Variants in GPRIN3 observed in about 807,000 individuals in gnomAD.
GPRIN3 encodes the protein G protein-regulated inducer of neurite outgrowth 3.
GPRIN3 carries 12 observed loss-of-function variants against 13.7 expected under a neutral mutation model. The observed-to-expected ratio is 0.87, with a 90% confidence interval of 0.56 to 1.42. The LOEUF (loss-of-function observed/expected upper bound fraction) is 1.42. Among genes scored for constraint, GPRIN3 ranks in the 40% most tolerant of loss-of-function variants. The probability of loss-of-function intolerance (pLI) is 0.00; values close to 1 mark genes in which losing one functional copy is unlikely to be tolerated. For synonymous variants in GPRIN3, 377 were observed against 372.7 expected (o/e 1.01, Z -0.13); for missense variants, 1,009 against 958.7 (o/e 1.05, Z -0.69).
intron 1 of GPRIN3, among the ~76,000 whole-genome samples, chr4:89,261,995 G>A (rs1250345287): frequency 6.6e-6 from 1 of 151,770 alleles, no homozygotes; most frequent in African/African-American, 2.4e-5. Flanking sequence ...GGTGGCACGC[G>A]CCTGTGGTCC....
intron 1 of GPRIN3, among the ~76,000 whole-genome samples, chr4:89,305,200 T>C (rs1245324385): frequency 6.6e-6 from 1 of 152,178 alleles, no homozygotes; most frequent in Non-Finnish European, 1.5e-5. Flanking sequence ...CTATGTATTT[T>C]CCTTGGTCTC....
At chr4:89,295,484 T>C (rs1225767757) in intron 1 of GPRIN3, among the ~76,000 whole-genome samples, 1 of 152,082 alleles carries the variant, frequency 6.6e-6, no homozygotes, top group African/African-American at 2.4e-5. Flanking sequence ...AAGCTCTCCA[T>C]AGGGCGTAGG....
At chr4:89,256,228 A>G (rs1282688639) in intron 1 of GPRIN3, among the ~76,000 whole-genome samples, 1 of 152,132 alleles carries the variant, frequency 6.6e-6, no homozygotes, top group Non-Finnish European at 1.5e-5. Context: ...AGATATCTAT[A>G]TATCTATATA....
At chr4:89,257,096 T>C (rs999047020) in intron 1 of GPRIN3, among the ~76,000 whole-genome samples, 2 of 152,188 alleles carry the variant, frequency 1.3e-5, no homozygotes, top group Non-Finnish European at 2.9e-5. Flanking sequence ...TGAAAAATTG[T>C]TTTGTCCCTT....
At chr4:89,261,727 G>A (rs1352100682) in intron 1 of GPRIN3, among the ~76,000 whole-genome samples, 1 of 152,160 alleles carries the variant, frequency 6.6e-6, no homozygotes. Flanking sequence ...CAATTTAAAT[G>A]TCCATTAATA....
At position 89,269,125 on chromosome 4, in the gene GPRIN3, T is replaced by C. The variant is rs181075213; in HGVS notation, c.-123-18892A>G. On this transcript the variant is annotated intron_variant, in intron 1 of 1. Transcript: ENST00000609438. ...AATATTTCTAGGTTAGTCATTGGTATCTTGAGGAAAAATTTTCTTCTGATT... is the reference window on the plus strand; with the variant it reads ...AATATTTCTAGGTTAGTCATTGGTACCTTGAGGAAAAATTTTCTTCTGATT... 2.0e-3 allele frequency among the ~76,000 whole-genome samples: 303 copies of C among 152,292 alleles called. 12 individuals are homozygous for C. In the South Asian group the frequency reaches 0.056, roughly 28 times the overall value.
At position 89,247,569 on chromosome 4, in the gene GPRIN3, CTCTTT is replaced by C; in HGVS notation, c.*206_*210del. The C allele has an allele frequency of 2.1e-6, 1 of 484,378 alleles. No homozygotes were observed. Among genetic ancestry groups the C allele is most frequent in the South Asian group, 4.6e-5 (1 of 21,820 alleles). The allele number at this position is 484,378 out of a possible 1,614,324, so 30.0% of individuals were successfully genotyped here. A position where few individuals can be genotyped will look rare whatever the true frequency, so the allele number is the denominator to read the frequency against. On this transcript the variant is annotated 3_prime_UTR_variant, in exon 2 of 2. Coordinates refer to ENST00000609438, the MANE Select transcript of GPRIN3 (RefSeq NM_198281.3). ...TGCAAACCTTCAGTGAAGCTTGTTT[CTCTTT>C]TCTTGTTCCTTCTTTCAAATTGAAA...
rs1722933733 is a variant in GPRIN3 at position 89,241,062 on chromosome 4, TA to T, written c.*6717del. The T allele has an allele frequency of 6.6e-6, 1 of 152,200 alleles. No individual in the cohort carries two copies. Among genetic ancestry groups the T allele is most frequent in the African/African-American group, 2.4e-5 (1 of 41,448 alleles). The allele number at this position is 152,200 out of a possible 1,614,324, so 9.4% of individuals were successfully genotyped here. A position where few individuals can be genotyped will look rare whatever the true frequency, so the allele number is the denominator to read the frequency against. On this transcript the variant is annotated 3_prime_UTR_variant, in exon 2 of 2. Transcript: ENST00000609438. The stretch of plus-strand genomic sequence containing the variant: ...ACACGGAGAGGATGTGTGAGGAATG[TA>T]AATTATCCCAGTGGTCAAAGAACTG...
In GPRIN3 at chr4:89,290,553, G is replaced by A. The variant is rs531201429; in HGVS notation, c.-124+17062C>T. The stretch of plus-strand genomic sequence containing the variant: ...TGCCATACTCTCCACAAAATAACCC[G>A]TTCCTGATACCCTCAGCAGGAAGTG... On this transcript the variant is annotated intron_variant, in intron 1 of 1. Coordinates refer to ENST00000609438, the MANE Select transcript of GPRIN3 (RefSeq NM_198281.3). 1.8e-3 allele frequency among the ~76,000 whole-genome samples: 273 copies of A among 152,108 alleles called. 2 individuals carry two copies. Among genetic ancestry groups the A allele is most frequent in the Middle Eastern group, 6.8e-3 (2 of 294 alleles).
rs753342734 is a variant in GPRIN3, at chr4:89,246,543, G to C, written c.*1237C>G. 4 of 152,090 alleles carry C rather than the reference G, an allele frequency of 2.6e-5. No individual in the cohort carries two copies. The highest frequency in any genetic ancestry group is 4.4e-5 in the Non-Finnish European group (3 of 68,014). The allele number at this position is 152,090 out of a possible 1,614,324, so 9.4% of individuals were successfully genotyped here. A position where few individuals can be genotyped will look rare whatever the true frequency, so the allele number is the denominator to read the frequency against. On this transcript the variant is annotated 3_prime_UTR_variant, in exon 2 of 2. Transcript: ENST00000609438. ...AAATCACAAGCCATGTTTTCGTAAA[G>C]GCCTCTTCTTTCATTGGGTTTGAAG...
intron 1 of GPRIN3, among the ~76,000 whole-genome samples, chr4:89,281,320 C>T (rs1013730250): frequency 5.9e-5 from 9 of 152,104 alleles, no homozygotes; most frequent in African/African-American, 1.9e-4. Flanking sequence ...GACGGGGTTT[C>T]GCCATGTTGG....
chr4:89,251,107 A>G (rs978497841), intron 1 of GPRIN3: 1 of 152,168 alleles, frequency 6.6e-6, no homozygotes, highest in Non-Finnish European at 1.5e-5. Flanking sequence ...GGAGCTCTTT[A>G]ACATTTATGA....
intron 1 of GPRIN3, among the ~76,000 whole-genome samples, chr4:89,285,838 T>C (rs922402485): frequency 3.9e-5 from 6 of 152,196 alleles, no homozygotes; most frequent in African/African-American, 1.4e-4. Flanking sequence ...ATAAGTAGCT[T>C]GTTAGAATGC....
intron 1 of GPRIN3, among the ~76,000 whole-genome samples, chr4:89,263,329 T>C (rs1251540365): frequency 6.6e-6 from 1 of 152,248 alleles, no homozygotes; most frequent in Non-Finnish European, 1.5e-5. Context: ...CATTTTCTGA[T>C]TGGTATGTTC....
intron 1 of GPRIN3, among the ~76,000 whole-genome samples, chr4:89,267,399 A>G (rs1723809037): frequency 6.6e-6 from 1 of 152,190 alleles, no homozygotes; most frequent in Non-Finnish European, 1.5e-5. Context: ...TATGAAGTAT[A>G]TAATTAGGCT....
At chr4:89,265,085 T>C (rs6825306) in intron 1 of GPRIN3, among the ~76,000 whole-genome samples, 31,705 of 152,110 alleles carry the variant, frequency 0.21, 4,125 homozygotes, top group African/African-American at 0.37. Context: ...CTTTTACTAA[T>C]TGCACTCAAA....
chr4:89,249,788 G>A lies in GPRIN3; in HGVS notation c.323C>T (p.Pro108Leu). 2 of 1,614,158 alleles carry A rather than the reference G, an allele frequency of 1.2e-6. No homozygotes were observed. The highest frequency in any genetic ancestry group is 1.7e-6 in the Non-Finnish European group (2 of 1,180,028). The change falls in exon 2 of 2, where the codon CCC (proline) becomes CTC (leucine). Residue 108 changes from proline to leucine, a missense_variant. By Grantham distance (98) the Pro-to-Leu change is moderately conservative. Transcript: ENST00000609438. ...GNPQLPGSSQ[P>L]AASAPSSAAG... ...TGCAGAACTCGGGGCTGATGCTGCG[G>A]GCTGGCTGCTCCCTGGCAGCTGGGG...
chr4:89,272,238 G>C (rs1723974050), intron 1 of GPRIN3, among the ~76,000 whole-genome samples: 1 of 152,180 alleles, frequency 6.6e-6, no homozygotes, highest in Non-Finnish European at 1.5e-5. Context: ...CTGTATCTTA[G>C]CGGGAAGGCT....
At chr4:89,305,722 C>A (rs754127337) in intron 1 of GPRIN3, among the ~76,000 whole-genome samples, 1 of 152,192 alleles carries the variant, frequency 6.6e-6, no homozygotes, top group Non-Finnish European at 1.5e-5. Flanking sequence ...TATGTTGAGG[C>A]ATAATTAAGA....
Sources: gnomAD v4.1 joint callset for allele counts (sites outside exome capture counted in the v4.1 genomes callset) on GRCh38, gnomAD v4.1.1 for gene constraint, MANE v1.5 for transcripts, NCBI Gene and HGNC (gene_info 2026-07-23, HGNC 2026-07-21) for gene names.